The following EVC2 variants were observed in gnomAD, a reference collection of about 807,000 sequenced individuals.
The protein encoded by EVC2 is limbin.
EVC2 carries 148 observed loss-of-function variants against 149.3 expected under a neutral mutation model. That is an observed-to-expected ratio of 0.99 (90% CI 0.87 to 1.14). EVC2 has a LOEUF of 1.14. EVC2 is among the 50% of genes most tolerant of loss of function. The pLI, the probability that EVC2 is intolerant of heterozygous loss-of-function variation, is 0.00. For missense variants in EVC2, 1,854 were observed against 1,627.3 expected (o/e 1.14, Z -2.40); for synonymous variants, 776 against 649.9 (o/e 1.19, Z -2.95).
At position 5,576,830 on chromosome 4, in the gene EVC2, T is replaced by G. The variant is rs1260440202; in HGVS notation, c.3058-376A>C. Among the ~76,000 whole-genome samples, 2 of 152,198 alleles carry G rather than the reference T, an allele frequency of 1.3e-5. No homozygotes were observed. Among genetic ancestry groups the G allele is most frequent in the African/African-American group, 4.8e-5 (2 of 41,448 alleles). ...ATGTGCCCACTCACTACCCCTTGCATGCACTCTGTTTCCTGTCACCTGAAA... is the reference window on the plus strand; with the variant it reads ...ATGTGCCCACTCACTACCCCTTGCAGGCACTCTGTTTCCTGTCACCTGAAA... On this transcript the variant is annotated intron_variant, in intron 17 of 21. Transcript: ENST00000344408. The surrounding 1 kb of genome is among the most constrained non-coding windows in gnomAD (Gnocchi z 4.5).
chr4:5,682,341 T>C (rs1487419379), intron 6 of EVC2, among the ~76,000 whole-genome samples: 1 of 149,936 alleles, frequency 6.7e-6, no homozygotes, highest in African/African-American at 2.5e-5. Context: ...AAATCAAAAA[T>C]TAGCTGGGTG....
intron 18 of EVC2, among the ~76,000 whole-genome samples, chr4:5,575,328 A>T (rs4689259): frequency 0.49 from 73,861 of 152,084 alleles, 20,143 homozygotes; most frequent in East Asian, 0.86. Context: ...AAAAGTTTGA[A>T]CACAAGCCAT....
In EVC2 at chr4:5,576,626, CCT is replaced by C. The variant is rs1424084731; in HGVS notation, c.3058-174_3058-173del. On this transcript the variant is annotated intron_variant, in intron 17 of 21. Coordinates refer to ENST00000344408, the MANE Select transcript of EVC2 (RefSeq NM_147127.5). This position sits in a 1 kb window ranked among gnomAD's most constrained non-coding sequence, Gnocchi z 4.5. ...TGTGAGTGCACCACGATCTCTCACCCCTGTGTCACCTCCATGCCTCCACATAG... is the reference window on the plus strand; with the variant it reads ...TGTGAGTGCACCACGATCTCTCACCCGTGTCACCTCCATGCCTCCACATAG... Among the ~76,000 whole-genome samples, 3 of 152,184 alleles carry C rather than the reference CCT, an allele frequency of 2.0e-5. No homozygotes were observed. Among genetic ancestry groups the C allele is most frequent in the Admixed American group, 6.5e-5 (1 of 15,284 alleles).
At chr4:5,540,803 C>T (rs891329704), downstream of EVC2, among the ~76,000 whole-genome samples, 3 of 152,080 alleles carry the variant, frequency 2.0e-5, no homozygotes, top group African/African-American at 4.8e-5. Context: ...TAACTATGTG[C>T]GATTTATTAT....
intron 20 of EVC2, among the ~76,000 whole-genome samples, chr4:5,566,179 G>T (rs879741338): frequency 2.0e-5 from 3 of 152,264 alleles, no homozygotes; most frequent in East Asian, 3.9e-4. Flanking sequence ...ATGAAGGTGC[G>T]TGGTCCTAGA....
intron 7 of EVC2, among the ~76,000 whole-genome samples, chr4:5,678,187 CAG>C (rs1246772906): frequency 6.6e-6 from 1 of 152,176 alleles, no homozygotes; most frequent in African/African-American, 2.4e-5. Flanking sequence ...TCTGTACAAA[CAG>C]TGTGGCTTAT....
the EVC2 span, among the ~76,000 whole-genome samples, chr4:5,532,733 T>C: frequency 9.2e-5 from 14 of 152,232 alleles, no homozygotes; most frequent in African/African-American, 3.4e-4. Flanking sequence ...ATTTATTGGC[T>C]TTAAGACTTC....
intron 16 of EVC2, among the ~76,000 whole-genome samples, chr4:5,590,168 G>T (rs1001768682): frequency 6.6e-6 from 1 of 152,108 alleles, no homozygotes; most frequent in South Asian, 2.1e-4. Flanking sequence ...GTAAAGGTGT[G>T]GGGGAGAAGA....
At chr4:5,566,204 G>A (rs73072294) in intron 20 of EVC2, among the ~76,000 whole-genome samples, 3 of 152,224 alleles carry the variant, frequency 2.0e-5, no homozygotes, top group South Asian at 2.1e-4. Flanking sequence ...AGGAGAGGGC[G>A]TTGGAGAGTG....
intron 1 of EVC2, among the ~76,000 whole-genome samples, chr4:5,706,413 CATAG>C (rs1372054169): frequency 0.032 from 503 of 15,530 alleles, 94 homozygotes; most frequent in African/African-American, 0.13. Context: ...TAGATAGATA[CATAG>C]ATAGATAGAT....
chr4:5,569,640 C>A lies in EVC2; in HGVS notation c.3361-1000G>T, dbSNP rs1722528175. Among the ~76,000 whole-genome samples the A allele has an allele frequency of 6.6e-6, 1 of 151,754 alleles. No individual in the cohort carries two copies. Among genetic ancestry groups the A allele is most frequent in the African/African-American group, 2.4e-5 (1 of 41,292 alleles). ...AGCAGTGTCCAGCCAGGGGCCTGTGCAGGGGCAGGCAGGGGTGGGAGGGAA... is the reference window on the plus strand; with the variant it reads ...AGCAGTGTCCAGCCAGGGGCCTGTGAAGGGGCAGGCAGGGGTGGGAGGGAA... On this transcript the variant is annotated intron_variant, in intron 19 of 21. Coordinates refer to ENST00000344408, the MANE Select transcript of EVC2 (RefSeq NM_147127.5). This position sits in a 1 kb window ranked among gnomAD's most constrained non-coding sequence, Gnocchi z 4.8.
intron 9 of EVC2, among the ~76,000 whole-genome samples, chr4:5,649,379 A>G (rs921850590): frequency 3.9e-5 from 6 of 152,234 alleles, no homozygotes; most frequent in Admixed American, 2.0e-4. Context: ...AATGTAAGCT[A>G]TTAAAACTTG....
chr4:5,544,179 C>T (rs1247816782), intron 21 of EVC2, among the ~76,000 whole-genome samples: 3 of 151,830 alleles, frequency 2.0e-5, no homozygotes, highest in African/African-American at 7.3e-5. Context: ...TTTGACAGGG[C>T]TTACCTGGCC....
At chr4:5,658,880 G>A (rs979318384) in intron 9 of EVC2, among the ~76,000 whole-genome samples, 2 of 152,118 alleles carry the variant, frequency 1.3e-5, no homozygotes, top group South Asian at 2.1e-4. Context: ...AAACATGCTC[G>A]GCACTCCATG....
chr4:5,584,701 G>A lies in EVC2; in HGVS notation c.2979C>T (p.Asp993=), dbSNP rs761633806. Residue 993 remains aspartate, a synonymous_variant, in exon 17 of 22, where the codon GAC becomes GAT. Coordinates refer to ENST00000344408, the MANE Select transcript of EVC2 (RefSeq NM_147127.5). ...SAYTALLSIQ[D]LLLEELSASE... is the part of the protein sequence containing the mutation. ...ATGCACTCAGCTCTTCCAGGAGCAA[G>A]TCCTGGATGCTGAGGAGGGCGGTGT... 2 of 1,614,150 alleles carry A rather than the reference G, an allele frequency of 1.2e-6. No homozygotes were observed. Among genetic ancestry groups the A allele is most frequent in the Admixed American group, 1.7e-5 (1 of 60,024 alleles).
At chr4:5,597,277 T>C (rs1713524986) in intron 16 of EVC2, among the ~76,000 whole-genome samples, 1 of 152,182 alleles carries the variant, frequency 6.6e-6, no homozygotes, top group Non-Finnish European at 1.5e-5. Context: ...AAGAGAATTT[T>C]AGACCAATAT....
Position 5,567,182 on chromosome 4 carries a change from C to T in EVC2, c.3557+1262G>A, listed in dbSNP as rs1424987857. ...TAACATGCAGCCAGCCCTCTGACTG[C>T]GGTCCACAACCCACTTCCTGACTAT... On this transcript the variant is annotated intron_variant, in intron 20 of 21. Coordinates refer to ENST00000344408, the MANE Select transcript of EVC2 (RefSeq NM_147127.5). The surrounding 1 kb of genome is among the most constrained non-coding windows in gnomAD (Gnocchi z 4.4). Among the ~76,000 whole-genome samples the T allele has an allele frequency of 6.6e-5, 10 of 152,138 alleles. No homozygotes were observed. The highest frequency in any genetic ancestry group is 2.1e-4 in the South Asian group (1 of 4,812).
intron 9 of EVC2, among the ~76,000 whole-genome samples, chr4:5,650,421 C>T (rs180797671): frequency 6.6e-6 from 1 of 151,878 alleles, no homozygotes. Context: ...TTGGAAGTCA[C>T]ATTAACTTAG....
intron 21 of EVC2, among the ~76,000 whole-genome samples, chr4:5,554,954 G>C (rs111787049): frequency 6.6e-6 from 1 of 152,052 alleles, no homozygotes; most frequent in South Asian, 2.1e-4. Flanking sequence ...TATTAATGTT[G>C]TAAATGCCAA....
Sources: allele counts gnomAD v4.1 joint callset (sites outside exome capture counted in the v4.1 genomes callset), GRCh38; gene constraint gnomAD v4.1.1; non-coding constraint Gnocchi (gnomAD v3.1); transcripts MANE v1.5; gene names NCBI Gene and HGNC (gene_info 2026-07-23, HGNC 2026-07-21).